The following MCMBP variants were observed in gnomAD, a reference collection of about 807,000 sequenced individuals.
MCMBP encodes the protein mini-chromosome maintenance complex-binding protein.
Under a neutral mutation model 81.3 loss-of-function variants are expected in MCMBP, and 31 were observed. The observed-to-expected ratio is 0.38, with a 90% CI of 0.29 to 0.51. The LOEUF (loss-of-function observed/expected upper bound fraction) is 0.51. MCMBP is among the 20% of genes least tolerant of loss of function. The pLI, the probability that MCMBP is intolerant of heterozygous loss-of-function variation, is 0.87. For synonymous variants in MCMBP, 267 were observed against 275.9 expected (o/e 0.97, Z 0.32); for missense variants, 645 against 772.1 (o/e 0.84, Z 1.95).
At chr10:119,870,801 TG>T (rs1389547176) in intron 1 of MCMBP, among the ~76,000 whole-genome samples, 1 of 152,178 alleles carries the variant, frequency 6.6e-6, no homozygotes, top group Non-Finnish European at 1.5e-5. Flanking sequence ...GAACACATTA[TG>T]ACTTTTCTAT....
intron 7 of MCMBP, 150 bp from the exon 8 acceptor site, chr10:119,847,863 A>C: frequency 2.1e-6 from 1 of 472,772 alleles, no homozygotes; most frequent in Non-Finnish European, 3.7e-6. Context: ...ATTGAGACCA[A>C]GAGTCATTCT....
At position 119,830,471 on chromosome 10, in the gene MCMBP, A is replaced by T. The variant is rs965803908; in HGVS notation, c.*1003T>A. 1.3e-5 allele frequency: 2 copies of T among 152,212 alleles called. No individual in the cohort carries two copies. The highest frequency in any genetic ancestry group is 2.9e-5 in the Non-Finnish European group (2 of 68,030). The allele number at this position is 152,212 out of a possible 1,614,324, so 9.4% of individuals were successfully genotyped here. On this transcript the variant is annotated 3_prime_UTR_variant, in exon 16 of 16. Coordinates refer to ENST00000369077, the MANE Select transcript of MCMBP (RefSeq NM_001256378.2). Reference sequence around the variant, plus strand: ...TGGAACCAACTGATGATCCCATAAAAAATGCCAAAAATCCAATAGAATCAA... The same window carrying T: ...TGGAACCAACTGATGATCCCATAAATAATGCCAAAAATCCAATAGAATCAA...
chr10:119,854,814 C>A (rs1432518301), intron 5 of MCMBP, among the ~76,000 whole-genome samples: 1 of 151,334 alleles, frequency 6.6e-6, no homozygotes, highest in Non-Finnish European at 1.5e-5. Context: ...AAAAAACTGG[C>A]GTGGTGGCAC....
chr10:119,854,444 T>C (rs1275076742), intron 5 of MCMBP, among the ~76,000 whole-genome samples: 1 of 151,716 alleles, frequency 6.6e-6, no homozygotes, highest in Non-Finnish European at 1.5e-5. Flanking sequence ...GACTCACATC[T>C]GGAATCCTAG....
chr10:119,836,716 C>T (rs957941182), intron 13 of MCMBP, among the ~76,000 whole-genome samples, 180 bp downstream of exon 13: 2 of 143,876 alleles, frequency 1.4e-5, no homozygotes, highest in African/African-American at 5.2e-5. Context: ...TCATCCATGG[C>T]AGTGCAAAAT....
intron 15 of MCMBP, 45 bp downstream of exon 15, chr10:119,831,967 T>C (rs1479295547): frequency 4.5e-5 from 69 of 1,540,532 alleles, no homozygotes; most frequent in African/African-American, 9.7e-5. Context: ...AGAAGACATA[T>C]ACACAAGCTT....
intron 6 of MCMBP, among the ~76,000 whole-genome samples, chr10:119,851,222 A>C (rs1384632655): frequency 6.6e-6 from 1 of 152,170 alleles, no homozygotes; most frequent in Non-Finnish European, 1.5e-5. Flanking sequence ...CAAAATAAAA[A>C]GTTTAAAAAT....
chr10:119,831,629 G>A, intron 15 of MCMBP, 29 bp from the exon 16 acceptor site: 1 of 1,604,924 alleles, frequency 6.2e-7, no homozygotes, highest in Non-Finnish European at 8.5e-7. Flanking sequence ...ACAAATTTAA[G>A]TCTAGAGCTG....
intron 14 of MCMBP, among the ~76,000 whole-genome samples, chr10:119,833,202 T>C (rs1852109217): frequency 6.6e-6 from 1 of 152,198 alleles, no homozygotes; most frequent in Admixed American, 6.5e-5. Flanking sequence ...TGCCCACATG[T>C]GACAAAGATA....
intron 6 of MCMBP, among the ~76,000 whole-genome samples, chr10:119,852,152 C>CAAAAAAAA (rs34142128): frequency 3.8e-5 from 2 of 53,084 alleles, no homozygotes; most frequent in African/African-American, 9.0e-5. Context: ...AACTCTGTCT[C>CAAAAAAAA]AAAAAAAAAA....
In MCMBP at chr10:119,831,590, GAGAC is replaced by G; in HGVS notation, c.1803_1806del (p.Leu603ValfsTer13). 6.2e-7 allele frequency: 1 copy of G among 1,613,566 alleles called. No homozygotes were observed. The highest frequency in any genetic ancestry group is 8.5e-7 in the Non-Finnish European group (1 of 1,179,830). On this transcript the variant is annotated frameshift_variant, in exon 16 of 16. Transcript: ENST00000369077. LOFTEE classifies it high-confidence loss of function. ...GACAGCGTTGTCTGACCAGCACTGA[GAGAC>G]AGACACCTGGTTTGAAACACAGAAA...
chr10:119,844,161 C>G (rs531844480), intron 8 of MCMBP, among the ~76,000 whole-genome samples: 47 of 152,260 alleles, frequency 3.1e-4, no homozygotes, highest in Admixed American at 5.2e-4. Flanking sequence ...CCATTCATCT[C>G]TTATCTTGCT....
intron 15 of MCMBP, among the ~76,000 whole-genome samples, 191 bp from the exon 16 acceptor site, chr10:119,831,791 G>A (rs990053930): frequency 6.6e-6 from 1 of 152,208 alleles, no homozygotes. Flanking sequence ...GAATTGGAAA[G>A]TGGCTCACTC....
chr10:119,855,189 G>A (rs1333208867), intron 5 of MCMBP, among the ~76,000 whole-genome samples: 3 of 152,118 alleles, frequency 2.0e-5, no homozygotes, highest in African/African-American at 4.8e-5. Flanking sequence ...TTGCAAGGGC[G>A]AAGGATCAAA....
chr10:119,839,809 C>CA (rs1852372123), intron 11 of MCMBP, among the ~76,000 whole-genome samples: 2 of 152,162 alleles, frequency 1.3e-5, no homozygotes, highest in African/African-American at 4.8e-5. Flanking sequence ...GACCACCACC[C>CA]AGTTATCTGC....
intron 4 of MCMBP, chr10:119,857,700 T>C (rs1324137369): frequency 3.7e-6 from 1 of 268,178 alleles, no homozygotes; most frequent in Non-Finnish European, 7.1e-6. Context: ...TCTAGTTCTC[T>C]GCTTTGTGGA....
At chr10:119,853,414 A>T (rs1589791578) in intron 5 of MCMBP, among the ~76,000 whole-genome samples, 3 of 152,226 alleles carry the variant, frequency 2.0e-5, no homozygotes, top group Admixed American at 2.0e-4. Flanking sequence ...TGGACAAAAT[A>T]TGTGAAGCAA....
intron 14 of MCMBP, among the ~76,000 whole-genome samples, chr10:119,834,044 G>C (rs1044192359): frequency 2.0e-5 from 3 of 151,880 alleles, no homozygotes; most frequent in Non-Finnish European, 4.4e-5. Flanking sequence ...CTAAGAAACA[G>C]AACAAAAAAA....
chr10:119,859,801 A>T lies in MCMBP; in HGVS notation c.142T>A (p.Trp48Arg). ...CTCGAAAATAGCAATAAGCTTACCC[A>T]CTTAGGAGCATTATTTTCCTTCAGC... ...EKLKENNAPK[W>R]VPSLNEVPLH... Residue 48 changes from tryptophan (W) to arginine (R), a missense_variant and splice_region_variant, in exon 2 of 16, where the codon TGG becomes AGG. Trp to Arg is a moderately radical substitution (Grantham distance 101, BLOSUM62 -3). Coordinates refer to ENST00000369077, the MANE Select transcript of MCMBP (RefSeq NM_001256378.2). 1 of 1,610,458 alleles carries T rather than the reference A, an allele frequency of 6.2e-7. No individual in the cohort carries two copies. The highest frequency in any genetic ancestry group is 8.5e-7 in the Non-Finnish European group (1 of 1,177,178).
Sources: gnomAD v4.1 joint callset for allele counts (sites outside exome capture counted in the v4.1 genomes callset) on GRCh38, gnomAD v4.1.1 for gene constraint, MANE v1.5 for transcripts, NCBI Gene and HGNC (gene_info 2026-07-23, HGNC 2026-07-21) for gene names.